Variants in ATP10B observed in about 807,000 individuals in gnomAD.
ATP10B encodes phospholipid-transporting ATPase VB.
A neutral mutation model predicts 141.2 loss-of-function variants in ATP10B; 122 were observed. That is an observed-to-expected ratio of 0.86 (90% CI 0.75 to 1.00). The LOEUF is 1.00. ATP10B is among the 50% of genes least tolerant of loss of function. The pLI is 0.00. For synonymous variants in ATP10B, 685 were observed against 692.0 expected, an observed-to-expected ratio of 0.99 and a Z score of 0.16; for missense variants, 1,876 against 1,825.3, an observed-to-expected ratio of 1.03 and a Z score of -0.51.
chr5:160,728,489 C>T (rs1204027599), intron 2 of ATP10B, among the ~76,000 whole-genome samples: 1 of 152,208 alleles, frequency 6.6e-6, no homozygotes, highest in Non-Finnish European at 1.5e-5. Flanking sequence ...TTGTCTCACA[C>T]TGATGCCAGG....
chr5:160,858,854 CTCCT>C, the ATP10B span, among the ~76,000 whole-genome samples: 272 of 151,852 alleles, frequency 1.8e-3, no homozygotes, highest in Middle Eastern at 0.031. Flanking sequence ...TACTTCTTTT[CTCCT>C]TCCTAATTTA....
intron 8 of ATP10B, among the ~76,000 whole-genome samples, chr5:160,645,105 A>G (rs935945794): frequency 2.1e-5 from 3 of 143,366 alleles, no homozygotes; most frequent in African/African-American, 7.7e-5. Context: ...CTACGGGGCA[A>G]GACTCCATCT....
rs184925875 is a variant in ATP10B at position 160,611,144 on chromosome 5, T to C, written c.2838+1597A>G. ...TACAGGTTTAGTGAGCCCAAGGGTG[T>C]AGGCATGGCTGAGGATTCAGGCACT... On this transcript the variant is annotated intron_variant, in intron 18 of 25. Coordinates refer to ENST00000327245, the MANE Select transcript of ATP10B (RefSeq NM_025153.3). 2.0e-5 allele frequency among the ~76,000 whole-genome samples: 3 copies of C among 152,308 alleles called. No individual in the cohort carries two copies. The East Asian group carries it at 5.8e-4, about 29-fold the overall frequency.
chr5:160,778,888 T>C (rs1467897083), intron 2 of ATP10B, among the ~76,000 whole-genome samples: 1 of 152,172 alleles, frequency 6.6e-6, no homozygotes, highest in Non-Finnish European at 1.5e-5. Context: ...TTATTAGCTG[T>C]GCTACCCTGA....
At chr5:160,828,079 A>G (rs1774767966) in intron 1 of ATP10B, among the ~76,000 whole-genome samples, 1 of 152,220 alleles carries the variant, frequency 6.6e-6, no homozygotes, top group African/African-American at 2.4e-5. Flanking sequence ...TTAAAGACTT[A>G]CACGTTAGAC....
intron 8 of ATP10B, among the ~76,000 whole-genome samples, chr5:160,646,985 C>T (rs953522454): frequency 6.6e-6 from 1 of 152,124 alleles, no homozygotes; most frequent in African/African-American, 2.4e-5. Flanking sequence ...CAACAGCACC[C>T]CTCCCCAGTT....
intron 1 of ATP10B, among the ~76,000 whole-genome samples, chr5:160,839,170 T>G (rs1775665042): frequency 6.6e-6 from 1 of 152,140 alleles, no homozygotes; most frequent in South Asian, 2.1e-4. Flanking sequence ...AAAAACTGAC[T>G]AATACAACCT....
chr5:160,651,393 T>C (rs1760724264), intron 7 of ATP10B, among the ~76,000 whole-genome samples: 1 of 152,088 alleles, frequency 6.6e-6, no homozygotes. Flanking sequence ...AGATCTTGCT[T>C]TCTGACTCTC....
In ATP10B at chr5:160,615,956, G is replaced by A. The variant is rs769638895; in HGVS notation, c.2535C>T (p.Ser845=). The part of the protein sequence containing the change: ...RTLCIAKKVV[S]EEDFRRWASF... ...TGGCCCATCTCCGGAAGTCCTCTTC[G>A]CTTACAACCTATGGGATGGGAAAAG... is the stretch of plus-strand genomic sequence containing the variant. Residue 845 remains serine, a synonymous_variant, in exon 17 of 26, where the codon AGC becomes AGT. Transcript: ENST00000327245. 3.4e-5 allele frequency: 55 copies of A among 1,613,292 alleles called. No individual in the cohort carries two copies. Among genetic ancestry groups the A allele is most frequent in the Admixed American group, 1.5e-4 (9 of 59,992 alleles).
In ATP10B at chr5:160,845,264, C is replaced by A. The variant is rs151236799; in HGVS notation, c.-576+6677G>T. ...TTGTGGTACCCTGGGATGCTTTAGC[C>A]CGCAGTTTGGGAACCATGACTGTGG... On this transcript the variant is annotated intron_variant, in intron 1 of 25. Transcript: ENST00000327245. Among the ~76,000 whole-genome samples, 917 of 152,192 alleles carry A rather than the reference C, an allele frequency of 6.0e-3. 13 individuals are homozygous for A. Among genetic ancestry groups the A allele is most frequent in the African/African-American group, 0.021 (873 of 41,530 alleles).
intron 1 of ATP10B, among the ~76,000 whole-genome samples, chr5:160,821,484 T>C (rs1207811138): frequency 6.6e-6 from 1 of 151,980 alleles, no homozygotes; most frequent in Non-Finnish European, 1.5e-5. Context: ...AAAATAACAA[T>C]GATATTCTTT....
chr5:160,847,288 C>T (rs1015895269), intron 1 of ATP10B, among the ~76,000 whole-genome samples: 1 of 152,152 alleles, frequency 6.6e-6, no homozygotes, highest in Non-Finnish European at 1.5e-5. Context: ...ATGTAAAAGA[C>T]AATGCAAGCT....
chr5:160,740,916 A>G lies in ATP10B; in HGVS notation c.-330-23882T>C, dbSNP rs187227771. 1.5e-3 allele frequency among the ~76,000 whole-genome samples: 234 copies of G among 152,296 alleles called. 1 individual carries two copies. The highest frequency in any genetic ancestry group is 3.4e-3 in the Middle Eastern group (1 of 294). ...TACGCTATCCCTTGACAGCTCTCTA[A>G]TTAACTTGGCTCCCATCTCAATGGG... On this transcript the variant is annotated intron_variant, in intron 2 of 25. Coordinates refer to ENST00000327245, the MANE Select transcript of ATP10B (RefSeq NM_025153.3).
At chr5:160,770,722 C>T (rs1769836187) in intron 2 of ATP10B, among the ~76,000 whole-genome samples, 1 of 152,060 alleles carries the variant, frequency 6.6e-6, no homozygotes, top group Non-Finnish European at 1.5e-5. Flanking sequence ...GAAATAAGCA[C>T]ATCAAAACCA....
At chr5:160,803,837 T>C (rs931045701) in intron 1 of ATP10B, among the ~76,000 whole-genome samples, 4 of 152,178 alleles carry the variant, frequency 2.6e-5, no homozygotes, top group Non-Finnish European at 5.9e-5. Context: ...CAGAATCTTT[T>C]CCCCATGATT....
chr5:160,686,152 C>T lies in ATP10B; in HGVS notation c.397G>A (p.Asp133Asn), dbSNP rs769056517. Residue 133 changes from aspartate (D) to asparagine (N), a missense_variant, in exon 6 of 26, where the codon GAT becomes AAT. By Grantham distance (23) the Asp-to-Asn change is conservative. Transcript: ENST00000327245. ...TGTCTCTTGAAGTCCTCCATGCCAT[C>T]CTTGATCATGATGACGAACAGGACA... ...AIVLFVIMIK[D>N]GMEDFKRHRF... The T allele has an allele frequency of 6.2e-7, 1 of 1,612,984 alleles. No homozygotes were observed. Among genetic ancestry groups the T allele is most frequent in the South Asian group, 1.1e-5 (1 of 90,942 alleles).
At chr5:160,784,134 A>C (rs2127890493) in intron 2 of ATP10B, among the ~76,000 whole-genome samples, 1 of 152,286 alleles carries the variant, frequency 6.6e-6, no homozygotes, top group South Asian at 2.1e-4. Flanking sequence ...GAGACAGAAA[A>C]GTCTTTCTGA....
At chr5:160,622,266 T>G in intron 14 of ATP10B, 128 bp downstream of exon 14, 1 of 884,418 alleles carries the variant, frequency 1.1e-6, no homozygotes, top group Non-Finnish European at 1.7e-6. Flanking sequence ...TTCACTGTGA[T>G]GAAATGACAC....
rs1007375667 is a variant in ATP10B, at chr5:160,821,945, G to A, written c.-576+29996C>T. ...ATTAAGGAAATTCTCCAGGATACTGGACTGGGCAAAGGTTTCTTGAATAAT... is the reference window on the plus strand; with the variant it reads ...ATTAAGGAAATTCTCCAGGATACTGAACTGGGCAAAGGTTTCTTGAATAAT... On this transcript the variant is annotated intron_variant, in intron 1 of 25. Transcript: ENST00000327245. 3.9e-5 allele frequency among the ~76,000 whole-genome samples: 6 copies of A among 152,220 alleles called. 1 individual carries two copies. The South Asian group carries it at 1.2e-3, about 32-fold the overall frequency.
Sources: allele counts gnomAD v4.1 joint callset (sites outside exome capture counted in the v4.1 genomes callset), GRCh38; gene constraint gnomAD v4.1.1; transcripts MANE v1.5; gene names NCBI Gene and HGNC (gene_info 2026-07-23, HGNC 2026-07-21).